ZFAT: variants seen among roughly 807,000 people sequenced by gnomAD.
The protein encoded by ZFAT is zinc finger protein ZFAT.
In ZFAT, 64 loss-of-function variants were observed where a neutral mutation model predicts 117.7. The ratio of observed to expected loss-of-function variants is 0.54; its 90% CI spans 0.44 to 0.67. The LOEUF is 0.67. Ranked by LOEUF, ZFAT falls within the 30% of genes least tolerant of loss-of-function variation. ZFAT has a pLI of 0.00. For synonymous variants in ZFAT, 679 were observed against 615.0 expected, an observed-to-expected ratio of 1.10 and a Z score of -1.54; for missense variants, 1,433 against 1,584.5, an observed-to-expected ratio of 0.90 and a Z score of 1.62.
chr8:134,719,351 T>G, the ZFAT span, among the ~76,000 whole-genome samples: 4 of 152,082 alleles, frequency 2.6e-5, no homozygotes, highest in Admixed American at 6.5e-5. Flanking sequence ...CATCAGGGGT[T>G]GGTGGAAGGG....
chr8:134,772,565 TA>T, the ZFAT span, among the ~76,000 whole-genome samples: 1 of 152,080 alleles, frequency 6.6e-6, no homozygotes, highest in Non-Finnish European at 1.5e-5. Context: ...AATGAGGGCT[TA>T]AAAAAAGAAG....
upstream of ZFAT, among the ~76,000 whole-genome samples, chr8:134,713,908 G>A (rs1394375385): frequency 6.6e-6 from 1 of 150,660 alleles, no homozygotes; most frequent in Non-Finnish European, 1.5e-5. Flanking sequence ...TGGTCACCCC[G>A]TTAGCCTCAG....
intron 11 of ZFAT, among the ~76,000 whole-genome samples, chr8:134,563,222 A>G (rs1202051171): frequency 6.6e-6 from 1 of 152,260 alleles, no homozygotes; most frequent in Non-Finnish European, 1.5e-5. Flanking sequence ...GTCCTACCTA[A>G]GAAACTCACA....
At chr8:134,653,509 C>A (rs1224266476) in intron 2 of ZFAT, among the ~76,000 whole-genome samples, 5 of 147,194 alleles carry the variant, frequency 3.4e-5, no homozygotes, top group Admixed American at 2.8e-4. Flanking sequence ...AAGTGATCCT[C>A]CTCCCTCAAC....
chr8:134,795,821 T>C, the ZFAT span: 4 of 152,228 alleles, frequency 2.6e-5, no homozygotes, highest in Non-Finnish European at 5.9e-5. Flanking sequence ...TAAGGGAACT[T>C]TGGTGAACAG....
At chr8:134,538,663 G>A (rs1368490333) in intron 11 of ZFAT, among the ~76,000 whole-genome samples, 1 of 151,978 alleles carries the variant, frequency 6.6e-6, no homozygotes, top group Non-Finnish European at 1.5e-5. Flanking sequence ...CGGGCATGGT[G>A]GTACATGCCT....
In ZFAT at chr8:134,660,519, A is replaced by G. The variant is rs148850835; in HGVS notation, c.20-2782T>C. On this transcript the variant is annotated intron_variant, in intron 1 of 15. Transcript: ENST00000377838. ...TCAGGCATGAGGTCCAGGCCCTGCCACAAGAGGAGGCCACCACATCACTGA... is the reference window on the plus strand; with the variant it reads ...TCAGGCATGAGGTCCAGGCCCTGCCGCAAGAGGAGGCCACCACATCACTGA... 3.7e-4 allele frequency among the ~76,000 whole-genome samples: 56 copies of G among 152,368 alleles called. No homozygotes were observed. The East Asian group carries it at 0.01, about 28-fold the overall frequency.
At position 134,532,965 on chromosome 8, in the gene ZFAT, C is replaced by T. The variant is rs374370144; in HGVS notation, c.2984G>A (p.Arg995His). ...GCAGGAGTAATGGCAATGGGCACAG[C>T]GGAAAGGCTGCGGGGACAATGAGGA... ...MEQHVSFKPFRCAHCHYSCNI... is the reference protein window; with the variant it reads ...MEQHVSFKPFHCAHCHYSCNI... The change falls in exon 12 of 16, where the codon CGC becomes CAC. Residue 995 changes from arginine to histidine, a missense_variant. By Grantham distance (29) the Arg-to-His change is conservative. Transcript: ENST00000377838. 58 of 1,603,040 alleles carry T rather than the reference C, an allele frequency of 3.6e-5. No homozygotes were observed. Among genetic ancestry groups the T allele is most frequent in the Middle Eastern group, 1.6e-4 (1 of 6,076 alleles).
chr8:134,716,182 C>CACAT (rs1554626958), upstream of ZFAT, among the ~76,000 whole-genome samples: 9 of 149,558 alleles, frequency 6.0e-5, no homozygotes, highest in Admixed American at 2.0e-4. Flanking sequence ...CACACACACA[C>CACAT]ATATATATAT....
At position 134,532,917 on chromosome 8, in the gene ZFAT, C is replaced by G. The variant is rs777416216; in HGVS notation, c.3032G>C (p.Arg1011Pro). Reference sequence around the variant, plus strand: ...ATTAGGGTGCTTCCTGTTGTAGTGCCGCTTCAGAGAGCCAGATATGTTGCA... The same window carrying G: ...ATTAGGGTGCTTCCTGTTGTAGTGCGGCTTCAGAGAGCCAGATATGTTGCA... Reference protein sequence around the residue: ...YSCNISGSLKRHYNRKHPNEE... With the variant: ...YSCNISGSLKPHYNRKHPNEE... The change falls in exon 12 of 16, where the codon CGG becomes CCG. Residue 1011 changes from arginine to proline, a missense_variant. This residue lies in a region of ZFAT where 503 missense variants were observed against 543.4 expected (regional missense o/e 0.93). Coordinates refer to ENST00000377838, the MANE Select transcript of ZFAT (RefSeq NM_020863.4). The G allele has an allele frequency of 6.2e-7, 1 of 1,609,428 alleles. No homozygotes were observed. The highest frequency in any genetic ancestry group is 8.5e-7 in the Non-Finnish European group (1 of 1,177,998).
chr8:134,555,414 T>G (rs1158000390), intron 11 of ZFAT, among the ~76,000 whole-genome samples: 2 of 152,244 alleles, frequency 1.3e-5, no homozygotes, highest in Non-Finnish European at 2.9e-5. Context: ...TGAGGTGCTA[T>G]GAACTGTCTT....
chr8:134,761,615 G>A, the ZFAT span, among the ~76,000 whole-genome samples: 7 of 152,020 alleles, frequency 4.6e-5, no homozygotes, highest in East Asian at 5.8e-4. Context: ...CAGGAGAATC[G>A]CTTGAACCTG....
intron 5 of ZFAT, among the ~76,000 whole-genome samples, chr8:134,606,807 A>T (rs936843615): frequency 1.3e-5 from 2 of 152,156 alleles, no homozygotes; most frequent in African/African-American, 4.8e-5. Flanking sequence ...TATAAAATAC[A>T]CATGCTGAAA....
At chr8:134,702,356 G>C (rs1834032652) in intron 1 of ZFAT, among the ~76,000 whole-genome samples, 1 of 152,162 alleles carries the variant, frequency 6.6e-6, no homozygotes, top group Non-Finnish European at 1.5e-5. Flanking sequence ...TACCTTTTAT[G>C]GTAAGTTGAT....
the ZFAT span, chr8:134,798,101 C>T: frequency 6.6e-6 from 1 of 151,814 alleles, no homozygotes; most frequent in African/African-American, 2.4e-5. Context: ...CTGAAGTCTA[C>T]AGGAGACATT....
intron 15 of ZFAT, among the ~76,000 whole-genome samples, chr8:134,483,313 T>C (rs982590397): frequency 2.6e-5 from 4 of 152,152 alleles, no homozygotes; most frequent in African/African-American, 9.7e-5. Context: ...CCTCGTGACT[T>C]ATGTAAGGTC....
chr8:134,642,774 G>A (rs1830658433), intron 2 of ZFAT, among the ~76,000 whole-genome samples: 1 of 152,176 alleles, frequency 6.6e-6, no homozygotes, highest in African/African-American at 2.4e-5. Context: ...ACCAACTCAA[G>A]AATTTTGGAA....
chr8:134,519,341 A>AT (rs1452125491), intron 13 of ZFAT, among the ~76,000 whole-genome samples: 11 of 152,164 alleles, frequency 7.2e-5, no homozygotes, highest in Admixed American at 4.6e-4. Context: ...CATTTTGGGC[A>AT]TTTTTTATAA....
chr8:134,550,902 T>C (rs1372421673), intron 11 of ZFAT, among the ~76,000 whole-genome samples: 1 of 149,972 alleles, frequency 6.7e-6, no homozygotes, highest in Non-Finnish European at 1.5e-5. Context: ...AGATTCCTCA[T>C]TTTCTTGCAA....
Sources: allele counts gnomAD v4.1 joint callset (sites outside exome capture counted in the v4.1 genomes callset), GRCh38; gene constraint gnomAD v4.1.1; regional missense constraint gnomAD v4.1.1; transcripts MANE v1.5; gene names NCBI Gene and HGNC (gene_info 2026-07-23, HGNC 2026-07-21).